GNAQ: variants seen among roughly 807,000 people sequenced by gnomAD.
The protein encoded by GNAQ is guanine nucleotide-binding protein G(q) subunit alpha.
GNAQ carries 8 observed loss-of-function variants against 43.9 expected under a neutral mutation model. The observed-to-expected ratio is 0.18, with a 90% CI of 0.11 to 0.33. GNAQ has a LOEUF of 0.33. Among genes scored for constraint, GNAQ ranks in the 10% least tolerant of loss-of-function variants. GNAQ has a pLI of 1.00. For missense variants in GNAQ, 158 were observed against 450.8 expected (o/e 0.35, Z 5.88); for synonymous variants, 155 against 170.7 (o/e 0.91, Z 0.71).
chr9:77,846,119 T>C (rs948463583), intron 2 of GNAQ, among the ~76,000 whole-genome samples: 3 of 152,246 alleles, frequency 2.0e-5, no homozygotes, highest in African/African-American at 7.2e-5. Context: ...ACGTGCTGTT[T>C]GGCCACGGTC....
intron 1 of GNAQ, among the ~76,000 whole-genome samples, chr9:77,936,222 T>C (rs1202770980): frequency 1.3e-5 from 2 of 152,148 alleles, no homozygotes; most frequent in African/African-American, 4.8e-5. Context: ...ACCCATGAAG[T>C]GATCCAAGAA....
At chr9:77,900,417 T>C (rs1207639788) in intron 2 of GNAQ, among the ~76,000 whole-genome samples, 1 of 152,212 alleles carries the variant, frequency 6.6e-6, no homozygotes, top group Non-Finnish European at 1.5e-5. Context: ...TTCTCCATTT[T>C]CATGGAAAAC....
chr9:77,936,520 T>C (rs904708728), intron 1 of GNAQ, among the ~76,000 whole-genome samples: 1 of 152,184 alleles, frequency 6.6e-6, no homozygotes, highest in Non-Finnish European at 1.5e-5. Context: ...AAAAAAGTCA[T>C]TAAGGCATCT....
intron 1 of GNAQ, among the ~76,000 whole-genome samples, chr9:78,025,376 C>A (rs1466183067): frequency 6.6e-6 from 1 of 152,172 alleles, no homozygotes; most frequent in Admixed American, 6.5e-5. Flanking sequence ...TTACTCCATT[C>A]GGCAGAACAA....
chr9:77,745,079 T>A (rs1564097495), intron 5 of GNAQ, among the ~76,000 whole-genome samples: 2 of 152,168 alleles, frequency 1.3e-5, no homozygotes, highest in African/African-American at 4.8e-5. Context: ...TCTGGAAACA[T>A]TCAAGTGATA....
intron 5 of GNAQ, among the ~76,000 whole-genome samples, chr9:77,794,186 T>G (rs1826621551): frequency 6.6e-6 from 1 of 152,168 alleles, no homozygotes; most frequent in Non-Finnish European, 1.5e-5. Flanking sequence ...ATCTGATGAT[T>G]AGCCTAGGAT....
intron 1 of GNAQ, among the ~76,000 whole-genome samples, chr9:77,923,516 C>G (rs1365441078): frequency 6.6e-6 from 1 of 152,030 alleles, no homozygotes; most frequent in Non-Finnish European, 1.5e-5. Context: ...ACAATGAATT[C>G]AAATCTAAAA....
intron 2 of GNAQ, among the ~76,000 whole-genome samples, chr9:77,864,568 G>T (rs1342112951): frequency 1.3e-5 from 2 of 152,168 alleles, no homozygotes; most frequent in Non-Finnish European, 2.9e-5. Flanking sequence ...TGCTGCGTGG[G>T]AGGATGGAGT....
intron 2 of GNAQ, among the ~76,000 whole-genome samples, chr9:77,895,588 G>A (rs1656610679): frequency 6.6e-6 from 1 of 152,172 alleles, no homozygotes. Flanking sequence ...CTTGAAGTTG[G>A]ATTACAGCTC....
rs553495800 is a variant in GNAQ, at chr9:77,782,154, A to G, written c.735+12309T>C. On this transcript the variant is annotated intron_variant, in intron 5 of 6. Transcript: ENST00000286548. The stretch of plus-strand genomic sequence containing the variant: ...TGTAACTAACCTGCACAATGTGCAC[A>G]TGTACCCTAAAACTTAAAGTATAAT... Among the ~76,000 whole-genome samples, 8 of 152,298 alleles carry G rather than the reference A, an allele frequency of 5.3e-5. 1 individual carries two copies. In the South Asian group the frequency reaches 1.2e-3, roughly 24 times the overall value.
At chr9:77,967,942 T>C (rs1452639050) in intron 1 of GNAQ, among the ~76,000 whole-genome samples, 2 of 152,110 alleles carry the variant, frequency 1.3e-5, no homozygotes, top group Non-Finnish European at 2.9e-5. Flanking sequence ...ATCATACCAT[T>C]GCACTCCAGC....
intron 2 of GNAQ, among the ~76,000 whole-genome samples, chr9:77,854,130 A>G (rs575804289): frequency 3.0e-4 from 45 of 152,332 alleles, no homozygotes; most frequent in African/African-American, 9.9e-4. Flanking sequence ...ATGAAGATCC[A>G]TAAGTACATA....
At chr9:77,761,125 G>GC (rs1251657336) in intron 5 of GNAQ, among the ~76,000 whole-genome samples, 1 of 150,122 alleles carries the variant, frequency 6.7e-6, no homozygotes, top group Non-Finnish European at 1.5e-5. Context: ...TGGGGGGTCA[G>GC]CCCCCCGCCC....
chr9:77,945,040 C>T (rs181766332), intron 1 of GNAQ, among the ~76,000 whole-genome samples: 15 of 152,300 alleles, frequency 9.8e-5, no homozygotes, highest in Admixed American at 9.8e-4. Context: ...CCTTCTGAGT[C>T]TGTCTTCACA....
chr9:77,863,980 T>A (rs536804212), intron 2 of GNAQ, among the ~76,000 whole-genome samples: 1 of 152,160 alleles, frequency 6.6e-6, no homozygotes, highest in African/African-American at 2.4e-5. Flanking sequence ...CCAAACCACA[T>A]CACTGGGTAA....
intron 3 of GNAQ, among the ~76,000 whole-genome samples, chr9:77,805,317 C>T (rs1288188258): frequency 6.6e-6 from 1 of 152,130 alleles, no homozygotes; most frequent in Non-Finnish European, 1.5e-5. Flanking sequence ...ATCAACTTTC[C>T]TTTTTCCTTT....
At chr9:77,887,382 G>C (rs1828325947) in intron 2 of GNAQ, among the ~76,000 whole-genome samples, 1 of 152,192 alleles carries the variant, frequency 6.6e-6, no homozygotes, top group Non-Finnish European at 1.5e-5. Context: ...ACCCAAACTG[G>C]ATTTAATACT....
chr9:77,883,411 G>A (rs1828247185), intron 2 of GNAQ, among the ~76,000 whole-genome samples: 1 of 151,608 alleles, frequency 6.6e-6, no homozygotes, highest in Admixed American at 6.6e-5. Context: ...GCTTTTCTAG[G>A]TAGGCTGAGG....
chr9:77,960,362 G>C (rs1221524442), intron 1 of GNAQ, among the ~76,000 whole-genome samples: 1 of 152,194 alleles, frequency 6.6e-6, no homozygotes, highest in African/African-American at 2.4e-5. Flanking sequence ...TTTTCAGAAA[G>C]AAACAGGCAA....
Sources: gnomAD v4.1 joint callset for allele counts (sites outside exome capture counted in the v4.1 genomes callset) on GRCh38, gnomAD v4.1.1 for gene constraint, MANE v1.5 for transcripts, NCBI Gene and HGNC (gene_info 2026-07-23, HGNC 2026-07-21) for gene names.